Variants in MAGIX observed in about 807,000 individuals in gnomAD.
MAGIX encodes PDZ domain-containing protein MAGIX.
MAGIX carries 13 observed loss-of-function variants against 10.0 expected under a neutral mutation model. The observed-to-expected ratio is 1.30, with a 90% CI of 0.84 to 2.06. MAGIX has a LOEUF of 2.06. MAGIX is among the 30% of genes most tolerant of loss of function. The pLI, the probability that MAGIX is intolerant of heterozygous loss-of-function variation, is 0.00. For synonymous variants in MAGIX, 108 were observed against 106.8 expected (o/e 1.01, Z -0.07); for missense variants, 235 against 245.2 (o/e 0.96, Z 0.28).
intron 2 of MAGIX, 76 bp from the exon 3 acceptor site, chrX:49,164,625 GAATGTT>G (rs2065352849): frequency 2.3e-6 from 2 of 874,400 alleles, no homozygotes; most frequent in African/African-American, 4.0e-5. Context: ...GATGAGGCTA[GAATGTT>G]AACTCAGGGA....
intron 4 of MAGIX, 179 bp downstream of exon 5, chrX:49,165,540 A>G: frequency 2.3e-6 from 1 of 430,037 alleles, no homozygotes; most frequent in Non-Finnish European, 3.9e-6. Context: ...CAGGATAGGA[A>G]TAACGTAGGG....
exon 2 of MAGIX, chrX:49,163,891 G>A (rs2065347097): frequency 4.9e-5 from 50 of 1,028,408 alleles, no homozygotes; most frequent in Non-Finnish European, 6.2e-5. Context: ...GCGCTGGTAC[G>A]CAGGGCGGGC....
Position 49,163,778 on chromosome X carries a change from C to T in MAGIX, c.-201-5C>T, listed in dbSNP as rs1752183877. 9.6e-7 allele frequency: 1 copy of T among 1,044,742 alleles called. No homozygotes were observed. The allele number at this position is 1,044,742 out of a possible 1,213,427, so 86.1% of individuals were successfully genotyped here. On this transcript the variant is annotated splice_polypyrimidine_tract_variant and splice_region_variant and intron_variant, in intron 1 of 4. Coordinates refer to ENST00000616266, the Ensembl canonical transcript of MAGIX. ...CGGCGTTGACCTGTCCCCTCTTGCG[C>T]GCAGGCCGCGGCCCCTCCCCGCTCG...
rs1386424489 is a variant in MAGIX at position 49,164,807 on chromosome X, T to C, written c.47T>C (p.Leu16Pro). The C allele has an allele frequency of 8.3e-7, 1 of 1,208,730 alleles. No individual in the cohort carries two copies. The highest frequency in any genetic ancestry group is 1.7e-5 in the African/African-American group (1 of 57,440). ...GGCCCCAGGTACCATCTCATCCTTC[T>C]ATCGGAGGCCTCCTGCCTCAGGGCA... The change falls in exon 3 of 5, where the codon CTA (leucine) becomes CCA (proline). Residue 16 changes from leucine to proline, a missense_variant. Coordinates refer to ENST00000616266, the Ensembl canonical transcript of MAGIX.
At chrX:49,165,890 G>T in intron 4 of MAGIX, 184 bp from the exon 6 acceptor site, 1 of 441,766 alleles carries the variant, frequency 2.3e-6, no homozygotes, top group South Asian at 3.7e-5. Context: ...GATCCAGGAG[G>T]GGAGGGGTCT....
At chrX:49,164,112 C>G (rs1466252791) in intron 2 of MAGIX, 183 bp downstream of exon 2, 2 of 362,646 alleles carry the variant, frequency 5.5e-6, no homozygotes, top group African/African-American at 5.4e-5. Flanking sequence ...TAGCATATTC[C>G]TTGAGGGTTA....
At chrX:49,166,000 T>C in intron 4 of MAGIX, 74 bp from the exon 6 acceptor site, 1 of 1,035,349 alleles carries the variant, frequency 9.7e-7, no homozygotes. Flanking sequence ...CCGCAGCCTT[T>C]GGGTTCTCCT....
chrX:49,162,836 A>C, intron 1 of MAGIX: 9 of 755,131 alleles, frequency 1.2e-5, no homozygotes, highest in Non-Finnish European at 1.5e-5. Context: ...AGCGCGCCCC[A>C]GAGCTCAAAA....
exon 5 of MAGIX, chrX:49,167,437 G>A (rs1337207699): frequency 8.8e-6 from 1 of 113,575 alleles, no homozygotes; most frequent in African/African-American, 3.2e-5. Context: ...CACATCCTGA[G>A]CACTCGGCCC....
At chrX:49,165,286 C>T (rs1206687906) in exon 4 of MAGIX, 10 of 1,183,321 alleles carry the variant, frequency 8.5e-6, no homozygotes, top group Non-Finnish European at 1.1e-5. Context: ...CCCCCAGCTC[C>T]ACCTGGTTAT....
exon 5 of MAGIX, chrX:49,168,045 C>T (rs1157588522): frequency 9.0e-6 from 1 of 111,684 alleles, no homozygotes; most frequent in African/African-American, 3.3e-5. Context: ...TAATTGAACC[C>T]CAACTGTATA....
chrX:49,164,428 G>C, intron 2 of MAGIX: 1 of 424,552 alleles, frequency 2.4e-6, no homozygotes, highest in Non-Finnish European at 4.1e-6. Context: ...GATGTGTTCT[G>C]CGTGTTATTA....
rs113895883 is a variant in MAGIX, at chrX:49,163,933, A to C, written c.-55+4A>C. On this transcript the variant is annotated splice_donor_region_variant and intron_variant, in intron 2 of 4. Transcript: ENST00000616266. ...TTGCGCCTGCGCCGGAAGGAGGGTGAGTGACTGGCGCAGGGCCTCCGCTGG... is the reference window on the plus strand; with the variant it reads ...TTGCGCCTGCGCCGGAAGGAGGGTGCGTGACTGGCGCAGGGCCTCCGCTGG... 6 of 1,011,493 alleles carry C rather than the reference A, an allele frequency of 5.9e-6. No individual in the cohort carries two copies. The African/African-American group carries it at 1.0e-4, about 17-fold the overall frequency. The allele number at this position is 1,011,493 out of a possible 1,213,427, so 83.4% of individuals were successfully genotyped here.
At chrX:49,164,040 G>T in intron 2 of MAGIX, 111 bp downstream of exon 2, 1 of 785,642 alleles carries the variant, frequency 1.3e-6, no homozygotes. Flanking sequence ...GTGGGGCCAA[G>T]GGGCGCGACT....
exon 5 of MAGIX, chrX:49,166,156 G>C: frequency 1.7e-6 from 2 of 1,211,817 alleles, no homozygotes; most frequent in Non-Finnish European, 2.2e-6. Context: ...CCCTAGTTCA[G>C]CACCCTCCAT....
chrX:49,166,695 G>C, exon 5 of MAGIX: 2 of 278,396 alleles, frequency 7.2e-6, no homozygotes, highest in Admixed American at 5.9e-5. Flanking sequence ...AAAGGAGCAG[G>C]TGGGTCGATC....
chrX:49,162,895 G>C (rs1175499826), intron 1 of MAGIX: 418 of 898,957 alleles, frequency 4.6e-4, no homozygotes, highest in Non-Finnish European at 5.7e-4. Flanking sequence ...TGGCCATGGA[G>C]CCGCGCACAG....
chrX:49,164,999 T>A lies in MAGIX; in HGVS notation c.239T>A (p.Leu80Ter), dbSNP rs1251499689. The A allele has an allele frequency of 3.3e-6, 4 of 1,211,420 alleles. No homozygotes were observed. The Admixed American group carries it at 8.7e-5, about 26-fold the overall frequency. The change falls in exon 3 of 5, where the codon TTA (leucine) becomes TAA (stop). Residue 80 changes from leucine to a stop codon, truncating the protein, a stop_gained. Coordinates refer to ENST00000616266, the Ensembl canonical transcript of MAGIX. LOFTEE classifies it high-confidence loss of function. ...GGTTACGCAGGCTTTGGCCTCACCT[T>A]AGGTGGGGGCCGGGATGTAGCTGGG... is the stretch of plus-strand genomic sequence containing the variant.
At chrX:49,163,822 A>T in exon 2 of MAGIX, 3 of 1,047,899 alleles carry the variant, frequency 2.9e-6, no homozygotes, top group Non-Finnish European at 3.7e-6. Context: ...AGCGCCCGGC[A>T]GCTCCTGGCG....
Sources: gnomAD v4.1 joint callset for allele counts on GRCh38, gnomAD v4.1.1 for gene constraint, MANE v1.5 for transcripts, NCBI Gene and HGNC (gene_info 2026-07-23, HGNC 2026-07-21) for gene names.